IL1RL2: variants seen among roughly 807,000 people sequenced by gnomAD.
IL1RL2 encodes the protein interleukin 1 receptor like 2.
A neutral mutation model predicts 66.8 loss-of-function variants in IL1RL2; 68 were observed. The ratio of observed to expected loss-of-function variants is 1.02; its 90% CI spans 0.84 to 1.25. The LOEUF is 1.25. Ranked by LOEUF, IL1RL2 falls within the 50% of genes most tolerant of loss-of-function variation. The pLI is 0.00. For missense variants in IL1RL2, 729 were observed against 709.3 expected (o/e 1.03, Z -0.32); for synonymous variants, 305 against 264.6 (o/e 1.15, Z -1.48).
In IL1RL2 at chr2:102,189,125, GC is replaced by G; in HGVS notation, c.110del (p.Pro37LeufsTer11). The part of the protein sequence containing the change: ...MKNEILSASQ[P>X]FAFNCTFPPI... Reference sequence around the variant, plus strand: ...AAAATGAGATACTTTCAGCAAGCCAGCCTTTTGCTTTTAATTGTACATTCCC... The same window carrying G: ...AAAATGAGATACTTTCAGCAAGCCAGCTTTTGCTTTTAATTGTACATTCCC... On this transcript the variant is annotated frameshift_variant, in exon 3 of 12. Transcript: ENST00000264257. LOFTEE classifies it high-confidence loss of function. 1 of 1,614,084 alleles carries G rather than the reference GC, an allele frequency of 6.2e-7. No individual in the cohort carries two copies. Among genetic ancestry groups the G allele is most frequent in the Non-Finnish European group, 8.5e-7 (1 of 1,180,000 alleles).
At chr2:102,221,231 C>G (rs2041752) in intron 8 of IL1RL2, among the ~76,000 whole-genome samples, 2 of 151,988 alleles carry the variant, frequency 1.3e-5, no homozygotes, top group African/African-American at 2.4e-5. Context: ...TTTGCCATCT[C>G]TCTCTCTCTG....
chr2:102,189,116 AG>A lies in IL1RL2; in HGVS notation c.100del (p.Ala34GlnfsTer14), dbSNP rs1686994310. 6.2e-7 allele frequency: 1 copy of A among 1,613,982 alleles called. No homozygotes were observed. Among genetic ancestry groups the A allele is most frequent in the African/African-American group, 1.3e-5 (1 of 74,942 alleles). On this transcript the variant is annotated frameshift_variant, in exon 3 of 12. Transcript: ENST00000264257. LOFTEE classifies it high-confidence loss of function. ...TTTTTATGAAAAATGAGATACTTTC[AG>A]CAAGCCAGCCTTTTGCTTTTAATTG... ...DIFMKNEILS[A>X]SQPFAFNCTF...
chr2:102,240,183 AC>A (rs1039779842), downstream of IL1RL2, among the ~76,000 whole-genome samples: 1 of 152,064 alleles, frequency 6.6e-6, no homozygotes, highest in Non-Finnish European at 1.5e-5. Flanking sequence ...GCAAAACCCA[AC>A]CTGTGATTGA....
At chr2:102,221,488 ACCTTTGTTAGT>A (rs1690124983) in intron 8 of IL1RL2, among the ~76,000 whole-genome samples, 1 of 151,892 alleles carries the variant, frequency 6.6e-6, no homozygotes, top group African/African-American at 2.4e-5. Flanking sequence ...GTTTTTTCTT[ACCTTTGTTAGT>A]GGGACTCCTG....
intron 5 of IL1RL2, among the ~76,000 whole-genome samples, chr2:102,203,040 T>C (rs974903110): frequency 5.9e-5 from 9 of 152,212 alleles, no homozygotes; most frequent in African/African-American, 1.9e-4. Flanking sequence ...TTTTATTACA[T>C]TGAGACATGT....
chr2:102,202,261 C>T (rs1326713507), intron 5 of IL1RL2, among the ~76,000 whole-genome samples: 1 of 151,776 alleles, frequency 6.6e-6, no homozygotes, highest in Non-Finnish European at 1.5e-5. Flanking sequence ...AAGAAGAAAC[C>T]CTAAAAGTAA....
intron 9 of IL1RL2, among the ~76,000 whole-genome samples, chr2:102,227,243 C>A (rs1400561464): frequency 6.6e-6 from 1 of 152,048 alleles, no homozygotes; most frequent in Non-Finnish European, 1.5e-5. Flanking sequence ...AGTCCAGAGG[C>A]CTGAGTGACA....
At chr2:102,216,655 T>C (rs1258824958) in intron 6 of IL1RL2, among the ~76,000 whole-genome samples, 1 of 152,162 alleles carries the variant, frequency 6.6e-6, no homozygotes, top group African/African-American at 2.4e-5. Flanking sequence ...CCTTTGCTTC[T>C]TTCTTTCTCT....
At chr2:102,220,955 T>C (rs1690073601) in intron 8 of IL1RL2, among the ~76,000 whole-genome samples, 1 of 152,206 alleles carries the variant, frequency 6.6e-6, no homozygotes, top group Admixed American at 6.5e-5. Context: ...GATCTGTGCG[T>C]GGCAGCTTGC....
chr2:102,212,254 T>C, intron 6 of IL1RL2, 80 bp downstream of exon 6: 1 of 1,042,394 alleles, frequency 9.6e-7, no homozygotes, highest in East Asian at 2.5e-5. Context: ...ATATTTTGAA[T>C]GTTAAGGATG....
intron 4 of IL1RL2, among the ~76,000 whole-genome samples, 182 bp downstream of exon 4, chr2:102,192,302 G>T (rs1291448985): frequency 6.6e-6 from 1 of 152,018 alleles, no homozygotes. Flanking sequence ...AAACATTTTT[G>T]GTTATTATAG....
chr2:102,225,884 G>A lies in IL1RL2; in HGVS notation c.992-14G>A. The A allele has an allele frequency of 1.3e-6, 2 of 1,510,168 alleles. No individual in the cohort carries two copies. Among genetic ancestry groups the A allele is most frequent in the Non-Finnish European group, 1.8e-6 (2 of 1,129,070 alleles). The allele number at this position is 1,510,168 out of a possible 1,614,324, so 93.5% of individuals were successfully genotyped here. A position where few individuals can be genotyped will look rare whatever the true frequency, so the allele number is the denominator to read the frequency against. ...TAATTATAATTATTATTATTTTTTT[G>A]CTGTCATTTGTAGCTCCGGATTTTC... On this transcript the variant is annotated splice_polypyrimidine_tract_variant and intron_variant, in intron 8 of 11. Transcript: ENST00000264257.
chr2:102,212,114 T>C lies in IL1RL2; in HGVS notation c.664T>C (p.Tyr222His). ...TGATTTCTTAGCAGAAAGAGCTGGATATGGAGGAAGTGTCCCTAAAATCAT... is the reference window on the plus strand; with the variant it reads ...TGATTTCTTAGCAGAAAGAGCTGGACATGGAGGAAGTGTCCCTAAAATCAT... The part of the protein sequence containing the change: ...ITVSITERAG[Y>H]GGSVPKIIYP... Residue 222 changes from tyrosine to histidine, a missense_variant, in exon 6 of 12, where the codon TAT (tyrosine) becomes CAT (histidine). Physicochemically the swap from Tyr to His is moderately conservative, Grantham distance 83. Transcript: ENST00000264257. The C allele has an allele frequency of 6.2e-7, 1 of 1,613,052 alleles. No individual in the cohort carries two copies. Among genetic ancestry groups the C allele is most frequent in the African/African-American group, 1.3e-5 (1 of 75,026 alleles).
intron 8 of IL1RL2, 90 bp downstream of exon 8, chr2:102,220,107 G>T (rs1689970983): frequency 4.2e-6 from 5 of 1,201,834 alleles, no homozygotes; most frequent in Non-Finnish European, 5.7e-6. Flanking sequence ...TAAATGCTCA[G>T]TGTGAGGCAT....
intron 4 of IL1RL2, among the ~76,000 whole-genome samples, chr2:102,196,839 A>G (rs1312451481): frequency 6.6e-6 from 1 of 152,172 alleles, no homozygotes; most frequent in African/African-American, 2.4e-5. Flanking sequence ...GTGCTAGAAA[A>G]TAAACACCAT....
chr2:102,234,989 A>T lies in IL1RL2; in HGVS notation c.1390A>T (p.Asn464Tyr). The T allele has an allele frequency of 6.2e-7, 1 of 1,614,194 alleles. No homozygotes were observed. The highest frequency in any genetic ancestry group is 1.7e-5 in the Admixed American group (1 of 60,030). ...ATCGCTGGGCTTTGGCCTGTTGAAG[A>T]ACCTGTCAGAAGAACAAATCGCGGT... Reference protein sequence around the residue: ...PESLGFGLLKNLSEEQIAVYS... With the variant: ...PESLGFGLLKYLSEEQIAVYS... Residue 464 changes from asparagine to tyrosine, a missense_variant, in exon 11 of 12, where the codon AAC (asparagine) becomes TAC (tyrosine). Physicochemically the swap from Asn to Tyr is moderately radical, Grantham distance 143 (BLOSUM62 -2). Transcript: ENST00000264257.
intron 11 of IL1RL2, chr2:102,236,003 T>A (rs1445039016): frequency 1.1e-6 from 1 of 932,828 alleles, no homozygotes; most frequent in Non-Finnish European, 1.3e-6. Context: ...TCAACCAGAA[T>A]TCTGAGCAGC....
intron 4 of IL1RL2, among the ~76,000 whole-genome samples, chr2:102,195,581 CTT>C (rs66847229): frequency 0.012 from 175 of 14,650 alleles, 20 homozygotes; most frequent in East Asian, 0.051. Flanking sequence ...TTCTTTCTTT[CTT>C]TCTTTCTTTC....
intron 8 of IL1RL2, 84 bp downstream of exon 8, chr2:102,220,101 T>G (rs963800550): frequency 1.5e-6 from 2 of 1,310,374 alleles, no homozygotes; most frequent in Non-Finnish European, 2.1e-6. Context: ...TGACTCTAAA[T>G]GCTCAGTGTG....
Sources: allele counts gnomAD v4.1 joint callset (sites outside exome capture counted in the v4.1 genomes callset), GRCh38; gene constraint gnomAD v4.1.1; transcripts MANE v1.5; gene names NCBI Gene and HGNC (gene_info 2026-07-23, HGNC 2026-07-21).